DNAH14: variants seen among roughly 807,000 people sequenced by gnomAD.
DNAH14 encodes the protein dynein axonemal heavy chain 14, also known as axonemal beta dynein heavy chain 14.
In DNAH14, 478 loss-of-function variants were observed where a neutral mutation model predicts 520.9. That is an observed-to-expected ratio of 0.92 (90% confidence interval 0.85 to 0.99). DNAH14 has a LOEUF of 0.99. Among genes scored for constraint, DNAH14 ranks in the 50% least tolerant of loss-of-function variants. The probability of loss-of-function intolerance (pLI) is 0.00; values close to 1 mark genes in which losing one functional copy is unlikely to be tolerated. For synonymous variants in DNAH14, 1,581 were observed against 1,757.2 expected (o/e 0.90, Z 2.51); for missense variants, 4,831 against 5,234.5 (o/e 0.92, Z 2.38).
chr1:225,387,842 A>G (rs2095860384), intron 81 of DNAH14, among the ~76,000 whole-genome samples: 1 of 152,162 alleles, frequency 6.6e-6, no homozygotes, highest in Non-Finnish European at 1.5e-5. Flanking sequence ...CACTTGCAAC[A>G]AACAGGTAGG....
chr1:225,291,863 A>G (rs1214817662), intron 55 of DNAH14, among the ~76,000 whole-genome samples: 1 of 151,942 alleles, frequency 6.6e-6, no homozygotes, highest in African/African-American at 2.4e-5. Context: ...GGCCATTTGT[A>G]TGTCTTCTTT....
At chr1:225,109,359 T>C (rs1008656124) in intron 23 of DNAH14, among the ~76,000 whole-genome samples, 2 of 152,192 alleles carry the variant, frequency 1.3e-5, no homozygotes, top group Non-Finnish European at 2.9e-5. Context: ...ATGGAATATC[T>C]TTCCATTTTT....
chr1:225,323,936 T>C (rs2094603433), intron 62 of DNAH14, among the ~76,000 whole-genome samples: 1 of 151,938 alleles, frequency 6.6e-6, no homozygotes, highest in Admixed American at 6.6e-5. Flanking sequence ...GTGCCTCAGC[T>C]TCCCTGGTAG....
chr1:225,320,501 T>A (rs1271054486), intron 61 of DNAH14, among the ~76,000 whole-genome samples: 2 of 152,202 alleles, frequency 1.3e-5, no homozygotes, highest in African/African-American at 2.4e-5. Context: ...TGCTAATGTG[T>A]ATTTTACTTT....
chr1:225,149,784 T>C (rs909512721), intron 31 of DNAH14, among the ~76,000 whole-genome samples: 20 of 151,904 alleles, frequency 1.3e-4, no homozygotes, highest in African/African-American at 4.8e-4. Flanking sequence ...GAGACTTCAC[T>C]GAAAGAAGCT....
At chr1:225,063,673 A>G (rs2456334) in intron 17 of DNAH14, among the ~76,000 whole-genome samples, 129,315 of 152,046 alleles carry the variant, frequency 0.85, 58,607 homozygotes, top group Non-Finnish European at 1. Flanking sequence ...GTGATCTATC[A>G]TATGTGTAAT....
At chr1:225,002,120 A>C (rs1009709634) in intron 8 of DNAH14, among the ~76,000 whole-genome samples, 1 of 152,132 alleles carries the variant, frequency 6.6e-6, no homozygotes, top group Admixed American at 6.6e-5. Context: ...GGGATGATTC[A>C]GGGCAGAAGT....
intron 3 of DNAH14, 96 bp downstream of exon 3, chr1:224,955,194 T>A: frequency 7.9e-7 from 1 of 1,267,860 alleles, no homozygotes; most frequent in Non-Finnish European, 1.1e-6. Context: ...AGGAAACAAG[T>A]GAAACATATT....
chr1:225,095,864 G>A (rs1157700761), intron 21 of DNAH14, among the ~76,000 whole-genome samples: 1 of 152,132 alleles, frequency 6.6e-6, no homozygotes, highest in African/African-American at 2.4e-5. Flanking sequence ...ATTCCAACAG[G>A]ACACAAAGAA....
chr1:225,233,327 A>G (rs2091297009), intron 42 of DNAH14, among the ~76,000 whole-genome samples: 1 of 152,188 alleles, frequency 6.6e-6, no homozygotes, highest in Admixed American at 6.5e-5. Flanking sequence ...ATACCCAGTA[A>G]TGGGATTGCT....
chr1:225,364,126 A>C (rs190701750), intron 75 of DNAH14, among the ~76,000 whole-genome samples: 3 of 152,304 alleles, frequency 2.0e-5, no homozygotes, highest in Admixed American at 2.0e-4. Context: ...TTGGTACATC[A>C]TATCAAGAGG....
At chr1:225,210,236 A>G (rs2088189970) in intron 41 of DNAH14, among the ~76,000 whole-genome samples, 1 of 152,136 alleles carries the variant, frequency 6.6e-6, no homozygotes, top group Non-Finnish European at 1.5e-5. Context: ...AACCCCAGGG[A>G]GCCCAGCAAG....
intron 73 of DNAH14, among the ~76,000 whole-genome samples, chr1:225,357,500 C>T (rs1252246960): frequency 6.6e-6 from 1 of 152,156 alleles, no homozygotes; most frequent in African/African-American, 2.4e-5. Context: ...TCATTTGTTT[C>T]ACTCAACGAT....
In DNAH14 at chr1:225,089,395, G is replaced by A. The variant is rs182581108; in HGVS notation, c.3573+3606G>A. Among the ~76,000 whole-genome samples the A allele has an allele frequency of 5.7e-5, 7 of 123,704 alleles. No homozygotes were observed. The East Asian group carries it at 1.9e-3, about 34-fold the overall frequency. 81.2% of individuals were successfully genotyped at this position (123,704 alleles called of 152,430 possible). ...GGAGGCAGAGGTTGCAGTGAGCCAAGATCGTGTCTTTGCACTCCAGCCTGG... is the reference window on the plus strand; with the variant it reads ...GGAGGCAGAGGTTGCAGTGAGCCAAAATCGTGTCTTTGCACTCCAGCCTGG... On this transcript the variant is annotated intron_variant, in intron 21 of 85. Transcript: ENST00000682510.
In DNAH14 at chr1:225,043,978, G is replaced by A; in HGVS notation, c.1907G>A (p.Cys636Tyr). The stretch of plus-strand genomic sequence containing the variant: ...AATATGTTGACTAATATGGAAAAAT[G>A]TATAAGTAAGTGTTTTTAAAGCTTA... ...IQNMLTNMEK[C>Y]ITTITPLCQD... is the part of the protein sequence containing the mutation. Residue 636 changes from cysteine (C) to tyrosine (Y), a missense_variant, in exon 15 of 86, where the codon TGT becomes TAT. Transcript: ENST00000682510. 2 of 1,470,810 alleles carry A rather than the reference G, an allele frequency of 1.4e-6. No individual in the cohort carries two copies. The highest frequency in any genetic ancestry group is 2.6e-5 in the South Asian group (2 of 77,726). 91.1% of individuals were successfully genotyped at this position (1,470,810 alleles called of 1,614,324 possible).
chr1:225,373,556 G>A (rs1165526566), intron 77 of DNAH14, among the ~76,000 whole-genome samples: 1 of 152,070 alleles, frequency 6.6e-6, no homozygotes, highest in African/African-American at 2.4e-5. Flanking sequence ...ATAGAAAGAA[G>A]GGAGAGGAGA....
At chr1:225,009,434 T>A (rs993334883) in intron 10 of DNAH14, among the ~76,000 whole-genome samples, 1 of 152,226 alleles carries the variant, frequency 6.6e-6, no homozygotes, top group Non-Finnish European at 1.5e-5. Context: ...ATGTTACTTC[T>A]GAGGCCTCTG....
chr1:225,342,034 C>T (rs181632452), intron 69 of DNAH14, among the ~76,000 whole-genome samples: 164 of 152,194 alleles, frequency 1.1e-3, no homozygotes, highest in Non-Finnish European at 1.7e-3. Flanking sequence ...ACATCGGGCC[C>T]TGGCTTATAT....
chr1:225,310,889 A>C (rs963447062), intron 60 of DNAH14, among the ~76,000 whole-genome samples: 3 of 152,150 alleles, frequency 2.0e-5, no homozygotes, highest in African/African-American at 7.2e-5. Flanking sequence ...ACTATTGTGA[A>C]TACTCCCACA....
Sources: allele counts gnomAD v4.1 joint callset (sites outside exome capture counted in the v4.1 genomes callset), GRCh38; gene constraint gnomAD v4.1.1; transcripts MANE v1.5; gene names NCBI Gene and HGNC (gene_info 2026-07-23, HGNC 2026-07-21).